ZNF182: variants seen among roughly 807,000 people sequenced by gnomAD.
The protein encoded by ZNF182 is zinc finger protein 21 (KOX 14).
In ZNF182, 10 loss-of-function variants were observed where a neutral mutation model predicts 28.1. That is an observed-to-expected ratio of 0.36 (90% confidence interval 0.22 to 0.60). The LOEUF is 0.60. Ranked by LOEUF, ZNF182 falls within the 20% of genes least tolerant of loss-of-function variation. The probability of loss-of-function intolerance (pLI) is 0.75; values close to 1 mark genes in which losing one functional copy is unlikely to be tolerated. For missense variants in ZNF182, 352 were observed against 453.2 expected, an observed-to-expected ratio of 0.78 and a Z score of 2.03; for synonymous variants, 156 against 158.7, an observed-to-expected ratio of 0.98 and a Z score of 0.13.
intron 3 of ZNF182, among the ~76,000 whole-genome samples, chrX:47,993,260 A>T (rs1257578260): frequency 8.9e-6 from 1 of 112,374 alleles, no homozygotes; most frequent in Non-Finnish European, 1.9e-5. Context: ...GAGGGCACAG[A>T]AGGAAACCCT....
chrX:47,977,423 T>C lies in ZNF182; in HGVS notation c.607A>G (p.Ser203Gly). 1 of 1,210,338 alleles carries C rather than the reference T, an allele frequency of 8.3e-7. No homozygotes were observed. Among genetic ancestry groups the C allele is most frequent in the Non-Finnish European group, 1.1e-6 (1 of 895,149 alleles). The change falls in exon 6 of 6, where the codon AGT becomes GGT. Residue 203 changes from serine to glycine, a missense_variant. Coordinates refer to ENST00000376943, the MANE Select transcript of ZNF182 (RefSeq NM_001007088.2). ...GKGLRRKKGL[S>G]LHQRIKNGEK... ...CCATTTTTAATTCTCTGATGTAGAC[T>C]AAGGCCTTTCTTTCGCCTAAGACCT... is the stretch of plus-strand genomic sequence containing the variant.
intron 3 of ZNF182, chrX:47,988,700 C>T (rs1421405744): frequency 1.3e-5 from 4 of 309,600 alleles, no homozygotes; most frequent in Non-Finnish European, 2.3e-5. Flanking sequence ...TGTCTCAAAA[C>T]GACACAAAAG....
At chrX:47,981,377 T>C (rs1046173371) in intron 5 of ZNF182, among the ~76,000 whole-genome samples, 8 of 112,042 alleles carry the variant, frequency 7.1e-5, no homozygotes, top group African/African-American at 2.6e-4. Flanking sequence ...ATGTGTAACA[T>C]GGAAAATAAG....
intron 3 of ZNF182, 146 bp from the exon 4 acceptor site, chrX:47,983,557 G>A (rs942710982): frequency 3.2e-5 from 20 of 633,449 alleles, no homozygotes; most frequent in Middle Eastern, 3.4e-4. Context: ...GATCTACTTT[G>A]TGGGAGAATC....
intron 2 of ZNF182, 131 bp from the exon 3 acceptor site, chrX:48,002,784 C>T (rs2058982861): frequency 1.9e-6 from 1 of 513,820 alleles, no homozygotes; most frequent in Non-Finnish European, 3.3e-6. Context: ...TCTGGGCAAC[C>T]ATGTGATTTT....
At chrX:47,996,244 A>G (rs1365022424) in intron 3 of ZNF182, among the ~76,000 whole-genome samples, 4 of 111,764 alleles carry the variant, frequency 3.6e-5, no homozygotes, top group African/African-American at 1.3e-4. Flanking sequence ...AAAGGGACTT[A>G]TAAGATGGTA....
chrX:47,990,478 C>A (rs1347293374), intron 3 of ZNF182, among the ~76,000 whole-genome samples: 2 of 111,497 alleles, frequency 1.8e-5, no homozygotes, highest in Non-Finnish European at 3.8e-5. Flanking sequence ...TAAATGCATA[C>A]ATATGTGTGT....
chrX:47,999,449 A>G (rs1221848425), intron 3 of ZNF182, among the ~76,000 whole-genome samples: 1 of 110,987 alleles, frequency 9.0e-6, no homozygotes, highest in East Asian at 2.8e-4. Context: ...TAAGCCAGGT[A>G]CAGAAAGATA....
chrX:48,000,135 C>CA (rs1247285996), intron 3 of ZNF182, among the ~76,000 whole-genome samples: 1 of 106,006 alleles, frequency 9.4e-6, no homozygotes, highest in African/African-American at 3.5e-5. Flanking sequence ...GACTCCATCT[C>CA]AAAAAAAAAT....
At chrX:47,995,884 C>A (rs1161478615) in intron 3 of ZNF182, among the ~76,000 whole-genome samples, 1 of 112,433 alleles carries the variant, frequency 8.9e-6, no homozygotes. Context: ...AAACAACAGT[C>A]CACTGAAAAA....
chrX:47,988,496 T>C (rs2058930545), intron 3 of ZNF182: 1 of 473,112 alleles, frequency 2.1e-6, no homozygotes, highest in Non-Finnish European at 3.8e-6. Flanking sequence ...TCCCCCACTC[T>C]TGCTCCCACT....
intron 3 of ZNF182, among the ~76,000 whole-genome samples, chrX:47,993,213 A>G (rs1375036100): frequency 8.9e-6 from 1 of 112,448 alleles, no homozygotes; most frequent in African/African-American, 3.2e-5. Flanking sequence ...CTTCTGGTTC[A>G]GTGAACACAC....
intron 5 of ZNF182, among the ~76,000 whole-genome samples, chrX:47,981,575 T>C (rs1569408389): frequency 8.9e-6 from 1 of 112,299 alleles, no homozygotes; most frequent in Non-Finnish European, 1.9e-5. Flanking sequence ...GGTAGCCAAA[T>C]AATAGATAAG....
intron 5 of ZNF182, among the ~76,000 whole-genome samples, chrX:47,979,649 A>G (rs1271961129): frequency 4.5e-5 from 5 of 111,608 alleles, no homozygotes; most frequent in African/African-American, 1.6e-4. Context: ...TATTACAACT[A>G]CTACTATTAT....
chrX:47,988,513 A>G, intron 3 of ZNF182: 1 of 490,201 alleles, frequency 2.0e-6, no homozygotes, highest in Non-Finnish European at 3.7e-6. Flanking sequence ...CACTCTTGCC[A>G]TGTGACATAC....
At chrX:47,998,252 T>G (rs1380417488) in intron 3 of ZNF182, among the ~76,000 whole-genome samples, 1 of 110,270 alleles carries the variant, frequency 9.1e-6, no homozygotes, top group Non-Finnish European at 1.9e-5. Flanking sequence ...ACCTAGCTAA[T>G]TTTTTATATA....
At chrX:47,978,358 C>T (rs2058893439) in intron 5 of ZNF182, among the ~76,000 whole-genome samples, 1 of 111,578 alleles carries the variant, frequency 9.0e-6, no homozygotes, top group African/African-American at 3.3e-5. Context: ...TGTGAGCCAT[C>T]ACACCTGGCC....
In ZNF182 at chrX:47,976,408, T is replaced by C. The variant is rs1556898115; in HGVS notation, c.1622A>G (p.His541Arg). The C allele has an allele frequency of 3.3e-6, 4 of 1,211,859 alleles. No homozygotes were observed. The highest frequency in any genetic ancestry group is 2.2e-5 in the Admixed American group (1 of 46,024). Reference sequence around the variant, plus strand: ...TTTCTCTCCCGTGTGCGTTCTCTGATGTATTATGAGCTGTGACTTCTGGCT... The same window carrying C: ...TTTCTCTCCCGTGTGCGTTCTCTGACGTATTATGAGCTGTGACTTCTGGCT... ...AFSQKSQLII[H>R]QRTHTGEKPY... is the part of the protein sequence containing the mutation. The change falls in exon 6 of 6, where the codon CAT becomes CGT. Residue 541 changes from histidine (H) to arginine (R), a missense_variant. Coordinates refer to ENST00000376943, the MANE Select transcript of ZNF182 (RefSeq NM_001007088.2).
intron 3 of ZNF182, among the ~76,000 whole-genome samples, chrX:47,996,052 T>A (rs969311254): frequency 1.8e-5 from 2 of 112,741 alleles, no homozygotes; most frequent in Admixed American, 9.4e-5. Context: ...AACTTAAGAT[T>A]GTGAACAATG....
Sources: allele counts gnomAD v4.1 joint callset (sites outside exome capture counted in the v4.1 genomes callset), GRCh38; gene constraint gnomAD v4.1.1; transcripts MANE v1.5; gene names NCBI Gene and HGNC (gene_info 2026-07-23, HGNC 2026-07-21).